GALNTL6: variants seen among roughly 807,000 people sequenced by gnomAD.
The protein encoded by GALNTL6 is polypeptide N-acetylgalactosaminyltransferase-like 6.
Under a neutral mutation model 73.7 loss-of-function variants are expected in GALNTL6, and 46 were observed. The ratio of observed to expected loss-of-function variants is 0.62; its 90% CI spans 0.49 to 0.80. The LOEUF (loss-of-function observed/expected upper bound fraction) is 0.80, where lower values mean the gene tolerates loss of function less well. Ranked by LOEUF, GALNTL6 falls within the 30% of genes least tolerant of loss-of-function variation. The probability of loss-of-function intolerance (pLI) is 0.00; values close to 1 mark genes in which losing one functional copy is unlikely to be tolerated. For missense variants in GALNTL6, 604 were observed against 755.0 expected, an observed-to-expected ratio of 0.80 and a Z score of 2.34; for synonymous variants, 259 against 263.7, an observed-to-expected ratio of 0.98 and a Z score of 0.17.
intron 2 of GALNTL6, among the ~76,000 whole-genome samples, chr4:172,014,625 T>C (rs533693109): frequency 1.0e-3 from 153 of 152,228 alleles, no homozygotes; most frequent in African/African-American, 3.4e-3. Context: ...CTCTAGTTAC[T>C]TGAGGTGTGG....
chr4:172,584,889 G>A (rs1051583667), intron 5 of GALNTL6, among the ~76,000 whole-genome samples: 2 of 152,148 alleles, frequency 1.3e-5, no homozygotes, highest in African/African-American at 4.8e-5. Flanking sequence ...TGAAATGAAA[G>A]GGCTGTAGAG....
At chr4:172,474,933 G>A (rs1437633618) in intron 5 of GALNTL6, among the ~76,000 whole-genome samples, 3 of 152,034 alleles carry the variant, frequency 2.0e-5, no homozygotes, top group Admixed American at 2.0e-4. Flanking sequence ...TTCCAAAAGG[G>A]TCTTCTGAAT....
At chr4:172,828,175 G>A in intron 7 of GALNTL6, among the ~76,000 whole-genome samples, 1 of 151,324 alleles carries the variant, frequency 6.6e-6, no homozygotes, top group Non-Finnish European at 1.5e-5. Flanking sequence ...GAGAGGCTGA[G>A]GTGGGAAAAT....
intron 5 of GALNTL6, among the ~76,000 whole-genome samples, chr4:172,416,776 G>T (rs1561073430): frequency 6.6e-6 from 1 of 152,086 alleles, no homozygotes. Flanking sequence ...TGTAAATGTG[G>T]TTTAAAAAGT....
chr4:171,959,681 T>C (rs1179501708), intron 2 of GALNTL6, among the ~76,000 whole-genome samples: 1 of 152,258 alleles, frequency 6.6e-6, no homozygotes, highest in African/African-American at 2.4e-5. Flanking sequence ...GGAGACCCTA[T>C]GTAAAGAAAG....
intron 5 of GALNTL6, among the ~76,000 whole-genome samples, chr4:172,456,609 A>T (rs139977493): frequency 6.7e-4 from 102 of 152,000 alleles, no homozygotes; most frequent in African/African-American, 2.5e-3. Flanking sequence ...TCAGAGATTG[A>T]AGATCAGCTC....
intron 5 of GALNTL6, among the ~76,000 whole-genome samples, chr4:172,630,308 C>T (rs2111093051): frequency 6.6e-6 from 1 of 152,276 alleles, no homozygotes; most frequent in African/African-American, 2.4e-5. Flanking sequence ...TGGAGTTTTC[C>T]AGTGAAATAC....
rs190117821 is a variant in GALNTL6 at position 172,862,589 on chromosome 4, A to T, written c.924-20201A>T. On this transcript the variant is annotated intron_variant, in intron 7 of 12. Coordinates refer to ENST00000506823, the MANE Select transcript of GALNTL6 (RefSeq NM_001034845.3). ...GTGGCATGCACTTGTAGTCCCAGCT[A>T]CTCAGGAGGCTGAGGCAGAAGAATC... 8.5e-4 allele frequency among the ~76,000 whole-genome samples: 130 copies of T among 152,206 alleles called. 1 individual carries two copies. The East Asian group carries it at 0.013, about 15-fold the overall frequency.
At chr4:171,900,571 G>T (rs1034031045) in intron 2 of GALNTL6, among the ~76,000 whole-genome samples, 10 of 151,628 alleles carry the variant, frequency 6.6e-5, no homozygotes, top group African/African-American at 2.2e-4. Context: ...ACCCACCTCG[G>T]CTTCCCAAAG....
At chr4:172,034,258 G>C (rs565916054) in intron 2 of GALNTL6, among the ~76,000 whole-genome samples, 1 of 152,048 alleles carries the variant, frequency 6.6e-6, no homozygotes, top group South Asian at 2.1e-4. Flanking sequence ...TGTCTGGGCT[G>C]TGTACCAACT....
chr4:172,187,077 T>C (rs907570047), intron 2 of GALNTL6, among the ~76,000 whole-genome samples: 2 of 152,128 alleles, frequency 1.3e-5, no homozygotes, highest in Non-Finnish European at 2.9e-5. Context: ...TAGATGAATA[T>C]CATAATTTTA....
At chr4:172,075,892 T>A (rs1318600478) in intron 2 of GALNTL6, among the ~76,000 whole-genome samples, 1 of 152,214 alleles carries the variant, frequency 6.6e-6, no homozygotes, top group Non-Finnish European at 1.5e-5. Flanking sequence ...TAGTGAGTGA[T>A]GAATCCTTTA....
At chr4:171,902,629 G>C (rs777236657) in intron 2 of GALNTL6, among the ~76,000 whole-genome samples, 2 of 152,210 alleles carry the variant, frequency 1.3e-5, no homozygotes, top group Non-Finnish European at 2.9e-5. Context: ...ATCAGTGAGA[G>C]GGTAGGGAGG....
At chr4:172,117,805 A>T (rs1733027711) in intron 2 of GALNTL6, among the ~76,000 whole-genome samples, 1 of 152,134 alleles carries the variant, frequency 6.6e-6, no homozygotes, top group African/African-American at 2.4e-5. Context: ...ATAAAAAGAG[A>T]CGAAATTGTA....
At position 171,911,958 on chromosome 4, in the gene GALNTL6, C is replaced by G. The variant is rs548207893; in HGVS notation, c.138+97240C>G. ...AATGAATGTCTCCTTTAAATTTAAT[C>G]AATGTTTTTTAATCATCTAATAATA... On this transcript the variant is annotated intron_variant, in intron 2 of 12. Coordinates refer to ENST00000506823, the MANE Select transcript of GALNTL6 (RefSeq NM_001034845.3). Among the ~76,000 whole-genome samples the G allele has an allele frequency of 1.5e-3, 231 of 152,106 alleles. 1 individual carries two copies. Among genetic ancestry groups the G allele is most frequent in the Non-Finnish European group, 2.7e-3 (182 of 67,970 alleles).
intron 5 of GALNTL6, among the ~76,000 whole-genome samples, chr4:172,694,892 T>C (rs1242513676): frequency 1.3e-5 from 2 of 152,224 alleles, no homozygotes; most frequent in African/African-American, 2.4e-5. Context: ...CTTTGATGAT[T>C]CCAGAATATT....
intron 5 of GALNTL6, among the ~76,000 whole-genome samples, chr4:172,457,139 G>C (rs570348092): frequency 1.8e-3 from 270 of 152,052 alleles, no homozygotes; most frequent in African/African-American, 6.1e-3. Flanking sequence ...ATCCTTTACA[G>C]GCAAGCAAAT....
At chr4:172,503,018 T>C (rs1459841603) in intron 5 of GALNTL6, among the ~76,000 whole-genome samples, 1 of 152,160 alleles carries the variant, frequency 6.6e-6, no homozygotes, top group Non-Finnish European at 1.5e-5. Flanking sequence ...GCCACCTACA[T>C]AAATGGAACC....
chr4:171,918,898 T>G (rs1737703329), intron 2 of GALNTL6, among the ~76,000 whole-genome samples: 1 of 152,018 alleles, frequency 6.6e-6, no homozygotes, highest in African/African-American at 2.4e-5. Flanking sequence ...AGAAAGACAA[T>G]TACTGCATGA....
Sources: gnomAD v4.1 joint callset for allele counts (sites outside exome capture counted in the v4.1 genomes callset) on GRCh38, gnomAD v4.1.1 for gene constraint, MANE v1.5 for transcripts, NCBI Gene and HGNC (gene_info 2026-07-23, HGNC 2026-07-21) for gene names.